ST3GAL3: variants seen among roughly 807,000 people sequenced by gnomAD.
ST3GAL3 encodes the protein CMP-N-acetylneuraminate-beta-1,4-galactoside alpha-2,3-sialyltransferase.
In ST3GAL3, 21 loss-of-function variants were observed where a neutral mutation model predicts 50.1. That is an observed-to-expected ratio of 0.42 (90% CI 0.30 to 0.60). The LOEUF is 0.60. Among genes scored for constraint, ST3GAL3 ranks in the 20% least tolerant of loss-of-function variants. ST3GAL3 has a pLI of 0.19. For synonymous variants in ST3GAL3, 183 were observed against 190.0 expected (o/e 0.96, Z 0.30); for missense variants, 353 against 489.4 (o/e 0.72, Z 2.63).
At chr1:43,840,889 G>A (rs2065256798) in intron 5 of ST3GAL3, 1 of 152,178 alleles carries the variant, frequency 6.6e-6, no homozygotes, top group African/African-American at 2.4e-5. Context: ...GCTTACTTTC[G>A]AGATACAATG....
intron 2 of ST3GAL3, among the ~76,000 whole-genome samples, chr1:43,754,051 A>T (rs756271679): frequency 1.3e-5 from 2 of 152,230 alleles, no homozygotes; most frequent in Non-Finnish European, 2.9e-5. Context: ...TCTCACTGTA[A>T]AAAGGAGAGG....
chr1:43,852,531 C>A (rs1380803839), intron 5 of ST3GAL3, among the ~76,000 whole-genome samples: 2 of 152,194 alleles, frequency 1.3e-5, no homozygotes, highest in African/African-American at 4.8e-5. Context: ...TTCATGGCTG[C>A]CAACACCTAG....
At chr1:43,839,752 C>T (rs1486632104) in intron 5 of ST3GAL3, 1 of 152,188 alleles carries the variant, frequency 6.6e-6, no homozygotes, top group Non-Finnish European at 1.5e-5. Flanking sequence ...GGTGCTGGCA[C>T]CTGCTTCACT....
chr1:43,762,202 T>C (rs1032632498), intron 2 of ST3GAL3, among the ~76,000 whole-genome samples: 10 of 148,962 alleles, frequency 6.7e-5, no homozygotes, highest in Admixed American at 5.4e-4. Context: ...ACCCAGGAGA[T>C]TGAGGCTCCA....
At position 43,919,182 on chromosome 1, in the gene ST3GAL3, A is replaced by G. The variant is rs543879748; in HGVS notation, c.745-1222A>G. 5 of 149,000 alleles carry G rather than the reference A, an allele frequency of 3.4e-5. No homozygotes were observed. The South Asian group carries it at 1.1e-3, about 31-fold the overall frequency. The allele number at this position is 149,000 out of a possible 1,614,324, so 9.2% of individuals were successfully genotyped here. A position where few individuals can be genotyped will look rare whatever the true frequency, so the allele number is the denominator to read the frequency against. Reference sequence around the variant, plus strand: ...AACCTCCACCTCCCAGGTTCAAGCAATTCTCCTGCCTCAGCCTCCCAAGTA... The same window carrying G: ...AACCTCCACCTCCCAGGTTCAAGCAGTTCTCCTGCCTCAGCCTCCCAAGTA... On this transcript the variant is annotated intron_variant, in intron 9 of 11. Transcript: ENST00000347631.
chr1:43,822,377 A>G (rs1198465503), intron 4 of ST3GAL3, among the ~76,000 whole-genome samples: 1 of 152,168 alleles, frequency 6.6e-6, no homozygotes, highest in African/African-American at 2.4e-5. Context: ...GCTCTGGGAA[A>G]GCTCCTGTCT....
chr1:43,707,793 T>TGGGCG (rs1662102952), intron 1 of ST3GAL3, 100 bp downstream of exon 1: 1 of 152,016 alleles, frequency 6.6e-6, no homozygotes. Flanking sequence ...GGTCCCGGGC[T>TGGGCG]GGGCGGGGCG....
At chr1:43,735,643 C>T (rs667906) in intron 1 of ST3GAL3, among the ~76,000 whole-genome samples, 1,601 of 152,266 alleles carry the variant, frequency 0.011, 35 homozygotes, top group African/African-American at 0.036. Flanking sequence ...TTGGTTTTGG[C>T]CTTGTGCGAC....
chr1:43,832,482 A>G (rs527746177), intron 4 of ST3GAL3, among the ~76,000 whole-genome samples: 36 of 152,204 alleles, frequency 2.4e-4, no homozygotes, highest in Non-Finnish European at 4.6e-4. Flanking sequence ...CTGAGTCTAC[A>G]TTGGAAGCCA....
chr1:43,712,106 G>T (rs890901129), intron 1 of ST3GAL3, among the ~76,000 whole-genome samples: 1 of 152,124 alleles, frequency 6.6e-6, no homozygotes, highest in African/African-American at 2.4e-5. Flanking sequence ...TCTTATTTTT[G>T]AGCCTAAGTT....
Position 43,899,526 on chromosome 1 carries a change from G to C in ST3GAL3, c.558-15G>C. 6.2e-7 allele frequency: 1 copy of C among 1,611,108 alleles called. No homozygotes were observed. The highest frequency in any genetic ancestry group is 8.5e-7 in the Non-Finnish European group (1 of 1,180,018). ...AAACACAGGCCCAGGCTCTGAGTGG[G>C]CCTGCTCTCTGTAGACTGAATTCAG... On this transcript the variant is annotated splice_polypyrimidine_tract_variant and intron_variant, in intron 8 of 11. Coordinates refer to ENST00000347631, the MANE Select transcript of ST3GAL3 (RefSeq NM_006279.5). This position sits in a 1 kb window ranked among gnomAD's most constrained non-coding sequence, Gnocchi z 5.4.
intron 5 of ST3GAL3, among the ~76,000 whole-genome samples, chr1:43,885,677 C>T (rs2075867090): frequency 6.6e-6 from 1 of 152,206 alleles, no homozygotes; most frequent in African/African-American, 2.4e-5. Flanking sequence ...AGGCCACCTG[C>T]ATAATTAACA....
intron 4 of ST3GAL3, among the ~76,000 whole-genome samples, chr1:43,836,476 C>A (rs548554265): frequency 5.9e-5 from 9 of 152,298 alleles, no homozygotes; most frequent in Admixed American, 2.6e-4. Flanking sequence ...GGGCTAGGCC[C>A]GAGGGGTCTG....
At chr1:43,868,838 G>C (rs1406050214) in intron 5 of ST3GAL3, among the ~76,000 whole-genome samples, 1 of 152,112 alleles carries the variant, frequency 6.6e-6, no homozygotes, top group Non-Finnish European at 1.5e-5. Context: ...CTTTGGAAGA[G>C]ACACCCGAGA....
chr1:43,920,295 A>T, intron 9 of ST3GAL3, 109 bp from the exon 10 acceptor site: 1 of 1,414,472 alleles, frequency 7.1e-7, no homozygotes, highest in Non-Finnish European at 9.9e-7. Flanking sequence ...GTTCCCCATT[A>T]AACGCCTCAT....
intron 2 of ST3GAL3, among the ~76,000 whole-genome samples, chr1:43,769,981 A>G (rs191459669): frequency 9.0e-4 from 137 of 152,288 alleles, no homozygotes; most frequent in African/African-American, 3.1e-3. Context: ...TCAATTGTCA[A>G]TATGGGACTG....
At chr1:43,889,347 G>A (rs1282708418) in intron 5 of ST3GAL3, among the ~76,000 whole-genome samples, 1 of 152,122 alleles carries the variant, frequency 6.6e-6, no homozygotes, top group East Asian at 1.9e-4. Flanking sequence ...TTCTTTGAAT[G>A]TATTTTGTTT....
chr1:43,752,265 T>C (rs1686444917), intron 2 of ST3GAL3, among the ~76,000 whole-genome samples: 1 of 152,168 alleles, frequency 6.6e-6, no homozygotes, highest in African/African-American at 2.4e-5. Flanking sequence ...AGTTAATGCC[T>C]TTTTTGAGAT....
chr1:43,851,745 G>C, intron 5 of ST3GAL3: 1 of 945,594 alleles, frequency 1.1e-6, no homozygotes, highest in Non-Finnish European at 1.7e-6. Flanking sequence ...GCATGGGTCC[G>C]AAGCTGCCGG....
Sources: allele counts gnomAD v4.1 joint callset (sites outside exome capture counted in the v4.1 genomes callset), GRCh38; gene constraint gnomAD v4.1.1; non-coding constraint Gnocchi (gnomAD v3.1); transcripts MANE v1.5; gene names NCBI Gene and HGNC (gene_info 2026-07-23, HGNC 2026-07-21).